WLS: variants seen among roughly 807,000 people sequenced by gnomAD.
WLS encodes protein wntless homolog.
WLS carries 23 observed loss-of-function variants against 62.8 expected under a neutral mutation model. The ratio of observed to expected loss-of-function variants is 0.37; its 90% CI spans 0.26 to 0.52. WLS has a LOEUF of 0.52. Among genes scored for constraint, WLS ranks in the 20% least tolerant of loss-of-function variants. WLS has a pLI of 0.92. For missense variants in WLS, 615 were observed against 697.3 expected (o/e 0.88, Z 1.33); for synonymous variants, 246 against 244.1 (o/e 1.01, Z -0.07).
At chr1:68,212,085 T>C (rs944200709) in intron 1 of WLS, among the ~76,000 whole-genome samples, 3 of 152,208 alleles carry the variant, frequency 2.0e-5, no homozygotes, top group East Asian at 3.8e-4. Flanking sequence ...TCCCCCTTTT[T>C]TGATCGCTGA....
At chr1:68,207,785 C>T (rs972468058) in intron 1 of WLS, among the ~76,000 whole-genome samples, 1 of 152,172 alleles carries the variant, frequency 6.6e-6, no homozygotes. Flanking sequence ...AGGTACTCGC[C>T]TCCTAAATTT....
At chr1:68,148,460 G>T (rs917731772) in intron 7 of WLS, 103 bp downstream of exon 7, 5 of 1,281,164 alleles carry the variant, frequency 3.9e-6, no homozygotes, top group Non-Finnish European at 5.5e-6. Context: ...CCAAACCAAA[G>T]GTTCCCGACC....
chr1:68,165,673 C>T (rs6588304), intron 2 of WLS, among the ~76,000 whole-genome samples: 52,616 of 151,946 alleles, frequency 0.35, 10,033 homozygotes, highest in Non-Finnish European at 0.43. Flanking sequence ...TGGGATGGAG[C>T]CAGCGGTGGG....
At chr1:68,174,321 TG>T (rs1475998570) in intron 2 of WLS, among the ~76,000 whole-genome samples, 2 of 152,216 alleles carry the variant, frequency 1.3e-5, no homozygotes, top group Non-Finnish European at 2.9e-5. Flanking sequence ...ACGAAGTATT[TG>T]TTTCATACGG....
chr1:68,226,774 A>G (rs940083404), intron 1 of WLS, among the ~76,000 whole-genome samples: 2 of 152,204 alleles, frequency 1.3e-5, no homozygotes, highest in African/African-American at 4.8e-5. Flanking sequence ...CAAATCAGGC[A>G]AGTAGCACAC....
chr1:68,209,425 T>C (rs1382685532), intron 1 of WLS, among the ~76,000 whole-genome samples: 3 of 152,252 alleles, frequency 2.0e-5, no homozygotes, highest in Non-Finnish European at 4.4e-5. Context: ...ACTTGTTGGA[T>C]ATTTTTTATG....
At chr1:68,195,962 G>A (rs1425716996) in intron 1 of WLS, among the ~76,000 whole-genome samples, 1 of 151,912 alleles carries the variant, frequency 6.6e-6, no homozygotes, top group Non-Finnish European at 1.5e-5. Flanking sequence ...TAATCTTTAT[G>A]TATGTAAGCA....
At chr1:68,116,822 T>C (rs1423531531) in intron 11 of WLS, among the ~76,000 whole-genome samples, 2 of 152,188 alleles carry the variant, frequency 1.3e-5, no homozygotes, top group Admixed American at 6.5e-5. Context: ...AATGCAGCCA[T>C]TGTTTATCTT....
chr1:68,122,516 A>T (rs568424396), downstream of WLS, among the ~76,000 whole-genome samples: 1 of 152,356 alleles, frequency 6.6e-6, no homozygotes, highest in East Asian at 1.9e-4. Flanking sequence ...TCAGTTTGAT[A>T]TAGCAATTGC....
intron 2 of WLS, among the ~76,000 whole-genome samples, chr1:68,169,683 C>A (rs1045709320): frequency 6.6e-6 from 1 of 152,234 alleles, no homozygotes; most frequent in Non-Finnish European, 1.5e-5. Flanking sequence ...TTATCTCCAG[C>A]CTCCATGACT....
chr1:68,112,148 G>A (rs1311908112), intron 11 of WLS, among the ~76,000 whole-genome samples: 1 of 152,230 alleles, frequency 6.6e-6, no homozygotes, highest in African/African-American at 2.4e-5. Flanking sequence ...GGACAGAGAA[G>A]AAGTCCCTCT....
chr1:68,126,305 A>G lies in WLS; in HGVS notation c.1547T>C (p.Leu516Pro). 1 of 1,614,058 alleles carries G rather than the reference A, an allele frequency of 6.2e-7. No individual in the cohort carries two copies. The change falls in exon 12 of 12, where the codon CTC (leucine) becomes CCC (proline). Residue 516 changes from leucine (L) to proline (P), a missense_variant. Physicochemically the swap from Leu to Pro is moderately conservative, Grantham distance 98. Coordinates refer to ENST00000262348, the MANE Select transcript of WLS (RefSeq NM_024911.7). ...ATGGGTGATAGTGGTGGTGAGCTGG[A>G]GTTCTTCCCCACTATGGACACCCAG... is the stretch of plus-strand genomic sequence containing the variant. ...GDLGVHSGEE[L>P]QLTTTITHVD... is the part of the protein sequence containing the mutation.
At chr1:68,141,169 T>C (rs1646680927) in intron 10 of WLS, among the ~76,000 whole-genome samples, 1 of 152,168 alleles carries the variant, frequency 6.6e-6, no homozygotes, top group Non-Finnish European at 1.5e-5. Context: ...AACATTCCAC[T>C]TAACAACAAG....
intron 11 of WLS, among the ~76,000 whole-genome samples, chr1:68,130,982 C>T (rs1455721276): frequency 6.7e-6 from 1 of 150,026 alleles, no homozygotes; most frequent in Non-Finnish European, 1.5e-5. Flanking sequence ...ACCTCCGCCT[C>T]CAGGGTTCAA....
chr1:68,163,183 C>T, intron 2 of WLS: 1 of 756,502 alleles, frequency 1.3e-6, no homozygotes, highest in Non-Finnish European at 2.2e-6. Flanking sequence ...CATGACGCCA[C>T]TATGAACCCA....
intron 3 of WLS, among the ~76,000 whole-genome samples, chr1:68,156,398 A>G (rs1163128697): frequency 6.6e-6 from 1 of 152,222 alleles, no homozygotes; most frequent in Non-Finnish European, 1.5e-5. Context: ...CAAAGAGTCC[A>G]TAGTCTAAGA....
intron 1 of WLS, chr1:68,202,030 C>G (rs1027308263): frequency 1.3e-5 from 2 of 152,134 alleles, no homozygotes; most frequent in Non-Finnish European, 2.9e-5. Flanking sequence ...AAAGATGCAA[C>G]AGCTTTGAAG....
chr1:68,210,710 T>G (rs1649478741), intron 1 of WLS, among the ~76,000 whole-genome samples: 1 of 151,972 alleles, frequency 6.6e-6, no homozygotes, highest in Admixed American at 6.6e-5. Flanking sequence ...AACAGACAAA[T>G]GGAAGGTCCA....
intron 2 of WLS, chr1:68,161,773 T>C (rs1452467229): frequency 6.2e-6 from 10 of 1,600,870 alleles, no homozygotes; most frequent in Non-Finnish European, 7.7e-6. Flanking sequence ...GTTGGAGTGC[T>C]CTCGATTGTC....
Sources: allele counts gnomAD v4.1 joint callset (sites outside exome capture counted in the v4.1 genomes callset), GRCh38; gene constraint gnomAD v4.1.1; transcripts MANE v1.5; gene names NCBI Gene and HGNC (gene_info 2026-07-23, HGNC 2026-07-21).